SEMA3B: variants seen among roughly 807,000 people sequenced by gnomAD.
SEMA3B encodes semaphorin-3B.
In SEMA3B, 71 loss-of-function variants were observed where a neutral mutation model predicts 77.8. That is an observed-to-expected ratio of 0.91 (90% CI 0.75 to 1.11). SEMA3B has a LOEUF of 1.11. SEMA3B is among the 50% of genes most tolerant of loss of function. SEMA3B has a pLI of 0.00. For synonymous variants in SEMA3B, 470 were observed against 452.9 expected (o/e 1.04, Z -0.48); for missense variants, 968 against 1,056.8 (o/e 0.92, Z 1.17).
Position 50,270,182 on chromosome 3 carries a change from C to T in SEMA3B, c.165C>T (p.Tyr55=), listed in dbSNP as rs782251459. The T allele has an allele frequency of 3.1e-6, 5 of 1,595,238 alleles. No homozygotes were observed. The East Asian group carries it at 6.8e-5, about 22-fold the overall frequency. ...QTFSLERTCC[Y]QALLVDEERG... ...TCAGCCTGGAGCGAACCTGCTGCTACCAGGCCTTGCTGGTGGATGAGGAGC... is the reference window on the plus strand; with the variant it reads ...TCAGCCTGGAGCGAACCTGCTGCTATCAGGCCTTGCTGGTGGATGAGGAGC... The change falls in exon 2 of 17, where the codon TAC becomes TAT. Residue 55 remains tyrosine, a synonymous_variant. Transcript: ENST00000616701. The surrounding 1 kb of genome is among the most constrained non-coding windows in gnomAD (Gnocchi z 4.7).
chr3:50,275,161 G>A lies in SEMA3B; in HGVS notation c.1491+108G>A. ...TTTGCAGTCCCGGGTTTGAGTACAG[G>A]CTCTGGCTTTGTTAGACTGTGTGAC... On this transcript the variant is annotated intron_variant, in intron 13 of 16. Transcript: ENST00000616701. This position sits in a 1 kb window ranked among gnomAD's most constrained non-coding sequence, Gnocchi z 7.5. The A allele has an allele frequency of 6.8e-7, 1 of 1,469,856 alleles. No individual in the cohort carries two copies. Among genetic ancestry groups the A allele is most frequent in the East Asian group, 2.4e-5 (1 of 41,962 alleles). 91.1% of individuals were successfully genotyped at this position (1,469,856 alleles called of 1,614,324 possible).
Position 50,274,218 on chromosome 3 carries a change from A to G in SEMA3B, c.1138-145A>G, listed in dbSNP as rs1701145258. 4 of 1,287,154 alleles carry G rather than the reference A, an allele frequency of 3.1e-6. No homozygotes were observed. Among genetic ancestry groups the G allele is most frequent in the Non-Finnish European group, 4.3e-6 (4 of 933,514 alleles). The allele number at this position is 1,287,154 out of a possible 1,614,324, so 79.7% of individuals were successfully genotyped here. A position where few individuals can be genotyped will look rare whatever the true frequency, so the allele number is the denominator to read the frequency against. On this transcript the variant is annotated intron_variant, in intron 10 of 16. Coordinates refer to ENST00000616701, the MANE Select transcript of SEMA3B (RefSeq NM_001290060.2). This position sits in a 1 kb window ranked among gnomAD's most constrained non-coding sequence, Gnocchi z 4.7. ...GCTTGTTTCCCGCCTCTGACTTCCTAGGGCAAGGCTGATCTCCTCTCTAAT... is the reference window on the plus strand; with the variant it reads ...GCTTGTTTCCCGCCTCTGACTTCCTGGGGCAAGGCTGATCTCCTCTCTAAT...
Position 50,275,548 on chromosome 3 carries a change from T to C in SEMA3B, c.1650-12T>C, listed in dbSNP as rs1701206809. On this transcript the variant is annotated splice_polypyrimidine_tract_variant and intron_variant, in intron 14 of 16. Coordinates refer to ENST00000616701, the MANE Select transcript of SEMA3B (RefSeq NM_001290060.2). This position sits in a 1 kb window ranked among gnomAD's most constrained non-coding sequence, Gnocchi z 7.5. ...AAAGAAGGGCTCACAGAAGATCGGA[T>C]GTTCCCCACAGGCGGTTCCGGCGGC... The C allele has an allele frequency of 6.2e-7, 1 of 1,613,694 alleles. No individual in the cohort carries two copies. Among genetic ancestry groups the C allele is most frequent in the Non-Finnish European group, 8.5e-7 (1 of 1,179,880 alleles).
Position 50,270,848 on chromosome 3 carries a change from G to A in SEMA3B, c.331-42G>A. The A allele has an allele frequency of 1.3e-6, 2 of 1,560,600 alleles. No individual in the cohort carries two copies. The highest frequency in any genetic ancestry group is 1.2e-5 in the South Asian group (1 of 84,704). ...CACTGGTGAGCTGGGACCTCTTAAGGCTACGTCCCTGGGGGAAGCCTCACA... is the reference window on the plus strand; with the variant it reads ...CACTGGTGAGCTGGGACCTCTTAAGACTACGTCCCTGGGGGAAGCCTCACA... On this transcript the variant is annotated intron_variant, in intron 3 of 16. Transcript: ENST00000616701. This position sits in a 1 kb window ranked among gnomAD's most constrained non-coding sequence, Gnocchi z 4.7.
chr3:50,270,461 G>T lies in SEMA3B; in HGVS notation c.296G>T (p.Arg99Leu). The T allele has an allele frequency of 6.2e-7, 1 of 1,613,724 alleles. No individual in the cohort carries two copies. The highest frequency in any genetic ancestry group is 8.5e-7 in the Non-Finnish European group (1 of 1,179,860). The stretch of plus-strand genomic sequence containing the variant: ...GCCTGGCCGGCCCCTGTGGAATGGC[G>T]AGAGGAGTGCAACTGGGCAGGGAAG... Reference protein sequence around the residue: ...KLAWPAPVEWREECNWAGKDI... With the variant: ...KLAWPAPVEWLEECNWAGKDI... Residue 99 changes from arginine (R) to leucine (L), a missense_variant, in exon 3 of 17, where the codon CGA becomes CTA. Physicochemically the swap from Arg to Leu is moderately radical, Grantham distance 102 (BLOSUM62 -2). Coordinates refer to ENST00000616701, the MANE Select transcript of SEMA3B (RefSeq NM_001290060.2). The surrounding 1 kb of genome is among the most constrained non-coding windows in gnomAD (Gnocchi z 4.7).
In SEMA3B at chr3:50,276,021, C is replaced by T. The variant is rs1701226194; in HGVS notation, c.1845+177C>T. 12 of 938,056 alleles carry T rather than the reference C, an allele frequency of 1.3e-5. No individual in the cohort carries two copies. Among genetic ancestry groups the T allele is most frequent in the South Asian group, 1.1e-4 (6 of 56,388 alleles). The allele number at this position is 938,056 out of a possible 1,614,324, so 58.1% of individuals were successfully genotyped here. A position where few individuals can be genotyped will look rare whatever the true frequency, so the allele number is the denominator to read the frequency against. On this transcript the variant is annotated intron_variant, in intron 16 of 16. Coordinates refer to ENST00000616701, the MANE Select transcript of SEMA3B (RefSeq NM_001290060.2). This position sits in a 1 kb window ranked among gnomAD's most constrained non-coding sequence, Gnocchi z 5.8. ...GCCCCATTGCGTCCAACGGGGCTCC[C>T]GACCCGCCTCCCCTGAATCAAGGAG...
chr3:50,275,686 ACTTT>A lies in SEMA3B; in HGVS notation c.1706-15_1706-12del, dbSNP rs1176407403. ...ACCTGCCCTGCCTTGCCTAAATCTGACTTTCTTCTCGCCCCAAGACTCGTCTCGT... is the reference window on the plus strand; with the variant it reads ...ACCTGCCCTGCCTTGCCTAAATCTGACTTCTCGCCCCAAGACTCGTCTCGT... On this transcript the variant is annotated splice_polypyrimidine_tract_variant and intron_variant, in intron 15 of 16. Transcript: ENST00000616701. This position sits in a 1 kb window ranked among gnomAD's most constrained non-coding sequence, Gnocchi z 7.5. The A allele has an allele frequency of 2.5e-6, 4 of 1,611,712 alleles. No individual in the cohort carries two copies. The highest frequency in any genetic ancestry group is 2.2e-5 in the South Asian group (2 of 91,002).
Position 50,276,543 on chromosome 3 carries a change from T to A in SEMA3B, c.2087T>A (p.Val696Glu). ...TGGTACCGGGACTTTCTGCAGCTGGTGGAGCCGGGCGGAGGTGGCAGCGCG... is the reference window on the plus strand; with the variant it reads ...TGGTACCGGGACTTTCTGCAGCTGGAGGAGCCGGGCGGAGGTGGCAGCGCG... ...KLWYRDFLQL[V>E]EPGGGGSANS... The change falls in exon 17 of 17, where the codon GTG (valine) becomes GAG (glutamate). Residue 696 changes from valine (V) to glutamate (E), a missense_variant. Val to Glu is a moderately radical substitution (Grantham distance 121, BLOSUM62 -2). Coordinates refer to ENST00000616701, the MANE Select transcript of SEMA3B (RefSeq NM_001290060.2). This position sits in a 1 kb window ranked among gnomAD's most constrained non-coding sequence, Gnocchi z 5.8. The A allele has an allele frequency of 6.5e-7, 1 of 1,536,166 alleles. No individual in the cohort carries two copies. Among genetic ancestry groups the A allele is most frequent in the East Asian group, 2.5e-5 (1 of 40,686 alleles).
chr3:50,260,431 G>C, the SEMA3B span: 2 of 152,260 alleles, frequency 1.3e-5, no homozygotes, highest in Non-Finnish European at 2.9e-5. Context: ...GAGATGAAAG[G>C]CTGCTGCCGC....
chr3:50,276,534 T>C lies in SEMA3B; in HGVS notation c.2078T>C (p.Leu693Pro). 6.5e-7 allele frequency: 1 copy of C among 1,535,398 alleles called. No homozygotes were observed. Among genetic ancestry groups the C allele is most frequent in the Non-Finnish European group, 8.7e-7 (1 of 1,145,592 alleles). Residue 693 changes from leucine to proline, a missense_variant, in exon 17 of 17, where the codon CTG becomes CCG. Physicochemically the swap from Leu to Pro is moderately conservative, Grantham distance 98 (BLOSUM62 -3). Transcript: ENST00000616701. This position sits in a 1 kb window ranked among gnomAD's most constrained non-coding sequence, Gnocchi z 5.8. Reference sequence around the variant, plus strand: ...CCCAAACTCTGGTACCGGGACTTTCTGCAGCTGGTGGAGCCGGGCGGAGGT... The same window carrying C: ...CCCAAACTCTGGTACCGGGACTTTCCGCAGCTGGTGGAGCCGGGCGGAGGT... ...PGPKLWYRDF[L>P]QLVEPGGGGS...
chr3:50,271,746 G>C (rs1701061015), intron 6 of SEMA3B, among the ~76,000 whole-genome samples: 1 of 152,224 alleles, frequency 6.6e-6, no homozygotes, highest in East Asian at 1.9e-4. Context: ...AGACTGGGTG[G>C]CTGGAGGGGG....
chr3:50,272,879 T>TAATAATAATAATAATAATAATAATAAA lies in SEMA3B; in HGVS notation c.665-417_665-416insTAATAATAATAATAATAATAATAAAAA, dbSNP rs797032591. ...CAAATAATAATAATAATAATAATAA[T>TAATAATAATAATAATAATAATAATAAA]AAAGAGCAATGGGACCCAGCAGAAG... On this transcript the variant is annotated intron_variant, in intron 6 of 16. Coordinates refer to ENST00000616701, the MANE Select transcript of SEMA3B (RefSeq NM_001290060.2). Among the ~76,000 whole-genome samples the TAATAATAATAATAATAATAATAATAAA allele has an allele frequency of 1.3e-3, 188 of 150,066 alleles. 2 individuals are homozygous for TAATAATAATAATAATAATAATAATAAA. The East Asian group carries it at 0.02, about 16-fold the overall frequency.
upstream of SEMA3B, chr3:50,268,968 AG>A (rs1401785221): frequency 1.9e-6 from 1 of 530,642 alleles, no homozygotes; most frequent in East Asian, 3.5e-5. Context: ...TTGCCAGTGC[AG>A]GGTGACCCTG....
Position 50,276,523 on chromosome 3 carries a change from C to T in SEMA3B, c.2067C>T (p.Tyr689=). Residue 689 remains tyrosine (Y), a synonymous_variant, in exon 17 of 17, where the codon TAC becomes TAT. Transcript: ENST00000616701. This position sits in a 1 kb window ranked among gnomAD's most constrained non-coding sequence, Gnocchi z 5.8. Reference sequence around the variant, plus strand: ...CGCCGCCGGGCCCCAAACTCTGGTACCGGGACTTTCTGCAGCTGGTGGAGC... The same window carrying T: ...CGCCGCCGGGCCCCAAACTCTGGTATCGGGACTTTCTGCAGCTGGTGGAGC... ...PAAPPGPKLW[Y]RDFLQLVEPG... 5 of 1,534,844 alleles carry T rather than the reference C, an allele frequency of 3.3e-6. No homozygotes were observed. The highest frequency in any genetic ancestry group is 2.0e-5 in the Admixed American group (1 of 50,848).
chr3:50,268,261 A>G (rs1423906126), upstream of SEMA3B, among the ~76,000 whole-genome samples: 2 of 152,192 alleles, frequency 1.3e-5, no homozygotes, highest in African/African-American at 2.4e-5. Flanking sequence ...GCAGTCCCCA[A>G]GTCAGAGGCT....
At chr3:50,264,281 C>T (rs1295813750), upstream of SEMA3B, among the ~76,000 whole-genome samples, 5 of 152,072 alleles carry the variant, frequency 3.3e-5, no homozygotes, top group Admixed American at 1.3e-4. Flanking sequence ...GAGCTGAGCC[C>T]GAGAAGGGGC....
the SEMA3B span, chr3:50,260,812 G>A: frequency 6.6e-6 from 1 of 152,364 alleles, no homozygotes; most frequent in Non-Finnish European, 1.5e-5. Flanking sequence ...GTGCCGTCTT[G>A]GCAGTGGGTC....
rs782236490 is a variant in SEMA3B at position 50,269,265 on chromosome 3, G to A, written c.25G>A (p.Val9Met). The A allele has an allele frequency of 7.0e-5, 108 of 1,537,514 alleles. 1 individual carries two copies. Among genetic ancestry groups the A allele is most frequent in the Middle Eastern group, 6.8e-4 (4 of 5,872 alleles). Residue 9 changes from valine to methionine, a missense_variant, in exon 1 of 17, where the codon GTG becomes ATG. Transcript: ENST00000616701. This position sits in a 1 kb window ranked among gnomAD's most constrained non-coding sequence, Gnocchi z 4.0. MGRAGAAA[V>M]IPGLALLWAV... ...GATGGGGCGGGCCGGGGCTGCCGCC[G>A]TGATCCCGGGCCTGGCCCTGCTCTG...
chr3:50,271,763 A>C (rs1388195156), intron 6 of SEMA3B, among the ~76,000 whole-genome samples: 4 of 152,168 alleles, frequency 2.6e-5, no homozygotes, highest in African/African-American at 9.7e-5. Context: ...GGGGTTGGGT[A>C]AAGGAAGCCG....
Sources: gnomAD v4.1 joint callset for allele counts (sites outside exome capture counted in the v4.1 genomes callset) on GRCh38, gnomAD v4.1.1 for gene constraint, Gnocchi (gnomAD v3.1) non-coding constraint, MANE v1.5 for transcripts, NCBI Gene and HGNC (gene_info 2026-07-23, HGNC 2026-07-21) for gene names.